A2M: variants seen among roughly 807,000 people sequenced by gnomAD.
The protein encoded by A2M is alpha-2-macroglobulin.
Under a neutral mutation model 183.9 loss-of-function variants are expected in A2M, and 128 were observed. The ratio of observed to expected loss-of-function variants is 0.70; its 90% CI spans 0.60 to 0.81. The LOEUF is 0.81. Among genes scored for constraint, A2M ranks in the 30% least tolerant of loss-of-function variants. The probability of loss-of-function intolerance (pLI) is 0.00; values close to 1 mark genes in which losing one functional copy is unlikely to be tolerated. For synonymous variants in A2M, 592 were observed against 670.8 expected (o/e 0.88, Z 1.81); for missense variants, 1,495 against 1,787.6 (o/e 0.84, Z 2.95).
intron 31 of A2M, among the ~76,000 whole-genome samples, chr12:9,071,847 A>G (rs1384086577): frequency 6.6e-6 from 1 of 152,196 alleles, no homozygotes; most frequent in Non-Finnish European, 1.5e-5. Flanking sequence ...AGTATCTCCA[A>G]CCAAGTAATA....
In A2M at chr12:9,089,213, TA is replaced by T; in HGVS notation, c.2756del (p.Leu919HisfsTer15). 1.3e-6 allele frequency: 2 copies of T among 1,589,402 alleles called. No homozygotes were observed. Among genetic ancestry groups the T allele is most frequent in the Non-Finnish European group, 1.7e-6 (2 of 1,165,834 alleles). On this transcript the variant is annotated frameshift_variant, in exon 22 of 36. Transcript: ENST00000318602. LOFTEE classifies it high-confidence loss of function. ...GTTGACTCTTACCTGATGGACAAAG[TA>T]GGGAGTTGAATGTTGTTTCCTTCTC... ...GLEKETTFNS[L>X]LCPSGGEVSE... is the part of the protein sequence containing the mutation.
Position 9,106,315 on chromosome 12 carries a change from T to A in A2M, c.1025A>T (p.Glu342Val). 6.2e-7 allele frequency: 1 copy of A among 1,612,916 alleles called. No individual in the cohort carries two copies. Among genetic ancestry groups the A allele is most frequent in the Non-Finnish European group, 8.5e-7 (1 of 1,179,032 alleles). ...GAGTTTGGTTATGGTTCTTGTGATT[T>A]CACTGGACTGCCTTCCAGTCAATTC... The part of the protein sequence containing the change: ...VVELTGRQSS[E>V]ITRTITKLSF... Residue 342 changes from glutamate (E) to valine (V), a missense_variant, in exon 10 of 36, where the codon GAA becomes GTA. Glu to Val is a moderately radical substitution (Grantham distance 121, BLOSUM62 -2). Transcript: ENST00000318602.
At chr12:9,074,848 A>C (rs1592333544) in intron 28 of A2M, 65 bp from the exon 29 acceptor site, 2 of 1,489,644 alleles carry the variant, frequency 1.3e-6, no homozygotes, top group South Asian at 1.3e-5. Flanking sequence ...AGGTGAAAGT[A>C]CCCAAGCCAG....
At chr12:9,073,045 A>G (rs756231298) in intron 29 of A2M, among the ~76,000 whole-genome samples, 174 bp from the exon 30 acceptor site, 15 of 152,228 alleles carry the variant, frequency 9.9e-5, no homozygotes, top group Middle Eastern at 3.2e-3. Flanking sequence ...AAGAACCATA[A>G]CATTCACATA....
chr12:9,107,573 T>C lies in A2M; in HGVS notation c.830A>G (p.Asp277Gly). 6.2e-7 allele frequency: 1 copy of C among 1,613,986 alleles called. No homozygotes were observed. Among genetic ancestry groups the C allele is most frequent in the Non-Finnish European group, 8.5e-7 (1 of 1,179,874 alleles). The change falls in exon 8 of 36, where the codon GAC (aspartate) becomes GGC (glycine). Residue 277 changes from aspartate (D) to glycine (G), a missense_variant. By Grantham distance (94) the Asp-to-Gly change is moderately conservative. Transcript: ENST00000318602. ...AGCCTGTGAATCTTCACCGTGGCAG[T>C]CGGAAGCGTCACTATACTTTCTGCA... ...SICRKYSDAS[D>G]CHGEDSQAFC...
intron 22 of A2M, among the ~76,000 whole-genome samples, chr12:9,086,085 A>G (rs1204116884): frequency 6.6e-6 from 1 of 152,182 alleles, no homozygotes; most frequent in Non-Finnish European, 1.5e-5. Context: ...ATGAATACCA[A>G]TCCTTCTCAA....
intron 17 of A2M, among the ~76,000 whole-genome samples, chr12:9,094,170 CAGTGGCTTTG>C (rs1274727316): frequency 6.6e-6 from 1 of 151,934 alleles, no homozygotes; most frequent in Non-Finnish European, 1.5e-5. Flanking sequence ...CATGTTATGA[CAGTGGCTTTG>C]AGAAACAGTT....
intron 2 of A2M, 102 bp downstream of exon 2, chr12:9,113,258 G>T: frequency 3.2e-6 from 4 of 1,239,224 alleles, no homozygotes; most frequent in Non-Finnish European, 4.5e-6. Flanking sequence ...ATTCCTTCCT[G>T]CAGTTCTTAC....
rs1364783771 is a variant in A2M at position 9,100,600 on chromosome 12, G to A, written c.1558+544C>T. Among the ~76,000 whole-genome samples, 10 of 151,762 alleles carry A rather than the reference G, an allele frequency of 6.6e-5. No homozygotes were observed. The East Asian group carries it at 7.7e-4, about 12-fold the overall frequency. ...GGCCCACACCAATATTTTAAATAACGCAAAGAAAATAGGCTGAAAAAAAAG... is the reference window on the plus strand; with the variant it reads ...GGCCCACACCAATATTTTAAATAACACAAAGAAAATAGGCTGAAAAAAAAG... On this transcript the variant is annotated intron_variant, in intron 13 of 35. Coordinates refer to ENST00000318602, the MANE Select transcript of A2M (RefSeq NM_000014.6).
chr12:9,082,499 C>T (rs1223483429), intron 22 of A2M, among the ~76,000 whole-genome samples: 3 of 152,218 alleles, frequency 2.0e-5, no homozygotes, highest in Non-Finnish European at 2.9e-5. Context: ...ACTCTGCCTG[C>T]TCAAGGTTGT....
chr12:9,104,915 C>T (rs1196688708), intron 10 of A2M, among the ~76,000 whole-genome samples: 1 of 152,168 alleles, frequency 6.6e-6, no homozygotes, highest in African/African-American at 2.4e-5. Context: ...AAACAATTGC[C>T]AATACATTGT....
intron 18 of A2M, among the ~76,000 whole-genome samples, chr12:9,091,750 A>G (rs1949220346): frequency 6.6e-6 from 1 of 152,214 alleles, no homozygotes; most frequent in Non-Finnish European, 1.5e-5. Flanking sequence ...TTTAAATTCT[A>G]CTACTATTGT....
intron 17 of A2M, among the ~76,000 whole-genome samples, chr12:9,094,364 T>TATATAC (rs1270829116): frequency 6.9e-6 from 1 of 145,742 alleles, no homozygotes; most frequent in Non-Finnish European, 1.5e-5. Flanking sequence ...TATATATATA[T>TATATAC]ATATATATAT....
intron 11 of A2M, 86 bp downstream of exon 11, chr12:9,104,153 C>T (rs1938103005): frequency 3.7e-6 from 5 of 1,369,564 alleles, no homozygotes; most frequent in Non-Finnish European, 4.0e-6. Context: ...TAGAACTAGA[C>T]ACAGTTTGGA....
intron 13 of A2M, among the ~76,000 whole-genome samples, 191 bp from the exon 14 acceptor site, chr12:9,099,714 G>A (rs182733106): frequency 1.3e-5 from 2 of 152,256 alleles, no homozygotes; most frequent in East Asian, 3.9e-4. Context: ...TTTTTCACCA[G>A]CTTTAAGCTT....
At chr12:9,078,409 A>G (rs1476848055) in intron 25 of A2M, among the ~76,000 whole-genome samples, 1 of 152,220 alleles carries the variant, frequency 6.6e-6, no homozygotes, top group African/African-American at 2.4e-5. Context: ...CATGATGTAT[A>G]TGTACCACAT....
intron 22 of A2M, among the ~76,000 whole-genome samples, chr12:9,082,853 G>A (rs1240339483): frequency 1.3e-5 from 2 of 152,164 alleles, no homozygotes; most frequent in East Asian, 1.9e-4. Context: ...ACATAGAAAC[G>A]ATTGTGAATA....
intron 31 of A2M, among the ~76,000 whole-genome samples, 162 bp from the exon 32 acceptor site, chr12:9,070,740 G>T (rs1333612339): frequency 2.0e-5 from 3 of 152,136 alleles, no homozygotes; most frequent in Non-Finnish European, 4.4e-5. Flanking sequence ...AGAATTTTTA[G>T]GAAGCCTGTT....
chr12:9,097,096 G>A (rs1433651908), intron 15 of A2M, among the ~76,000 whole-genome samples: 1 of 152,060 alleles, frequency 6.6e-6, no homozygotes, highest in Non-Finnish European at 1.5e-5. Flanking sequence ...ACCCATCAGG[G>A]TTGTTATAAT....
Sources: gnomAD v4.1 joint callset for allele counts (sites outside exome capture counted in the v4.1 genomes callset) on GRCh38, gnomAD v4.1.1 for gene constraint, MANE v1.5 for transcripts, NCBI Gene and HGNC (gene_info 2026-07-23, HGNC 2026-07-21) for gene names.